CUL3: variants seen among roughly 807,000 people sequenced by gnomAD.
The protein encoded by CUL3 is cullin 3, also known as cullin-3.
Under a neutral mutation model 89.1 loss-of-function variants are expected in CUL3, and 19 were observed. That is an observed-to-expected ratio of 0.21 (90% CI 0.15 to 0.31). The LOEUF (loss-of-function observed/expected upper bound fraction) is 0.31, where lower values mean the gene tolerates loss of function less well. Among genes scored for constraint, CUL3 ranks in the 10% least tolerant of loss-of-function variants. The pLI is 1.00. For synonymous variants in CUL3, 351 were observed against 308.4 expected, an observed-to-expected ratio of 1.14 and a Z score of -1.45; for missense variants, 469 against 942.3, an observed-to-expected ratio of 0.50 and a Z score of 6.58.
rs1176228692 is a variant in CUL3 at position 224,473,522 on chromosome 2, C to T, written c.*723G>A. The stretch of plus-strand genomic sequence containing the variant: ...CAAAAAAATTATTGTACAATTTACA[C>T]ATACTAAAATACTTTCTTTCTCTAG... On this transcript the variant is annotated 3_prime_UTR_variant, in exon 16 of 16. Coordinates refer to ENST00000264414, the MANE Select transcript of CUL3 (RefSeq NM_003590.5). 4 of 182,680 alleles carry T rather than the reference C, an allele frequency of 2.2e-5. No homozygotes were observed. Among genetic ancestry groups the T allele is most frequent in the African/African-American group, 7.1e-5 (3 of 42,480 alleles). 11.3% of individuals were successfully genotyped at this position (182,680 alleles called of 1,614,324 possible).
chr2:224,474,170 T>TCTCGGTGGTCGCCG lies in CUL3; in HGVS notation c.*74_*75insCGGCGACCACCGAG. 7.0e-7 allele frequency: 1 copy of TCTCGGTGGTCGCCG among 1,436,280 alleles called. No homozygotes were observed. The allele number at this position is 1,436,280 out of a possible 1,614,324, so 89.0% of individuals were successfully genotyped here. Reference sequence around the variant, plus strand: ...AATAGAAGAGATGGTCGTCTTAATATTTAATGATTTAAAAGAACTTCCCAG... The same window carrying TCTCGGTGGTCGCCG: ...AATAGAAGAGATGGTCGTCTTAATATCTCGGTGGTCGCCGTTAATGATTTAAAAGAACTTCCCAG... On this transcript the variant is annotated 3_prime_UTR_variant, in exon 16 of 16. Coordinates refer to ENST00000264414, the MANE Select transcript of CUL3 (RefSeq NM_003590.5).
At chr2:224,542,311 T>C (rs1464139058) in intron 2 of CUL3, among the ~76,000 whole-genome samples, 2 of 152,156 alleles carry the variant, frequency 1.3e-5, no homozygotes, top group Non-Finnish European at 2.9e-5. Flanking sequence ...AAAGTGGAAT[T>C]ACTGTCAAAA....
chr2:224,559,539 T>C (rs1030249684), intron 1 of CUL3, among the ~76,000 whole-genome samples: 1 of 151,204 alleles, frequency 6.6e-6, no homozygotes, highest in Non-Finnish European at 1.5e-5. Flanking sequence ...CCATCTAATC[T>C]CTCTTTCCAT....
intron 2 of CUL3, among the ~76,000 whole-genome samples, chr2:224,557,388 A>G (rs890561963): frequency 2.6e-5 from 4 of 152,162 alleles, no homozygotes; most frequent in Non-Finnish European, 5.9e-5. Flanking sequence ...TAATTAACAT[A>G]TTAATAAGCA....
intron 6 of CUL3, among the ~76,000 whole-genome samples, chr2:224,509,878 G>C (rs1448803491): frequency 6.6e-6 from 1 of 152,238 alleles, no homozygotes; most frequent in Non-Finnish European, 1.5e-5. Context: ...AGACCACTTA[G>C]AGAAGGGTCA....
chr2:224,537,690 C>T (rs746676692), intron 2 of CUL3, among the ~76,000 whole-genome samples: 37 of 152,028 alleles, frequency 2.4e-4, no homozygotes, highest in Non-Finnish European at 4.7e-4. Flanking sequence ...ATCTACGCTA[C>T]ATACAAAAAA....
intron 3 of CUL3, among the ~76,000 whole-genome samples, chr2:224,526,754 C>T (rs1693496122): frequency 6.7e-6 from 1 of 150,222 alleles, no homozygotes; most frequent in South Asian, 2.1e-4. Context: ...GAAAACAGTT[C>T]ACAAGGCACA....
intron 6 of CUL3, among the ~76,000 whole-genome samples, chr2:224,509,120 TCAA>T (rs1416587620): frequency 6.6e-6 from 1 of 152,180 alleles, no homozygotes; most frequent in African/African-American, 2.4e-5. Context: ...TGCTATATTC[TCAA>T]CAAGAGCAAC....
chr2:224,582,834 G>A (rs916201041), intron 1 of CUL3, among the ~76,000 whole-genome samples: 18 of 152,178 alleles, frequency 1.2e-4, no homozygotes, highest in South Asian at 4.1e-4. Flanking sequence ...CCAGAACAGT[G>A]CCTGGCACAT....
intron 1 of CUL3, 27 bp downstream of exon 1, chr2:224,584,917 G>A: frequency 6.9e-7 from 1 of 1,451,488 alleles, no homozygotes; most frequent in African/African-American, 1.5e-5. Context: ...CCGGCCCCGG[G>A]GTCCCGGACG....
At position 224,471,509 on chromosome 2, in the gene CUL3, G is replaced by A. The variant is rs1301404443; in HGVS notation, c.*2736C>T. ...ATATCCGGTGAACAAAACATCAACA[G>A]TGCTTCACTATGAGAAGGATTCTTA... is the stretch of plus-strand genomic sequence containing the variant. On this transcript the variant is annotated 3_prime_UTR_variant, in exon 16 of 16. Transcript: ENST00000264414. 1 of 193,972 alleles carries A rather than the reference G, an allele frequency of 5.2e-6. No homozygotes were observed. The highest frequency in any genetic ancestry group is 2.3e-5 in the African/African-American group (1 of 43,156). The allele number at this position is 193,972 out of a possible 1,614,324, so 12.0% of individuals were successfully genotyped here. A position where few individuals can be genotyped will look rare whatever the true frequency, so the allele number is the denominator to read the frequency against.
intron 2 of CUL3, among the ~76,000 whole-genome samples, chr2:224,556,672 G>A (rs1694717668): frequency 6.6e-6 from 1 of 152,112 alleles, no homozygotes; most frequent in Non-Finnish European, 1.5e-5. Flanking sequence ...TTAGGCAACA[G>A]TATTATATTG....
At chr2:224,529,824 G>C (rs772697491) in intron 3 of CUL3, among the ~76,000 whole-genome samples, 1 of 152,088 alleles carries the variant, frequency 6.6e-6, no homozygotes, top group African/African-American at 2.4e-5. Context: ...AGTTATGTGG[G>C]ACAAATTTTG....
chr2:224,528,192 TAAAGC>T (rs2106249773), intron 3 of CUL3, among the ~76,000 whole-genome samples: 1 of 152,350 alleles, frequency 6.6e-6, no homozygotes, highest in Non-Finnish European at 1.5e-5. Context: ...TTCAGCAGGC[TAAAGC>T]AAAGATGTTG....
intron 1 of CUL3, among the ~76,000 whole-genome samples, chr2:224,578,489 T>C (rs1695361938): frequency 6.6e-6 from 1 of 152,116 alleles, no homozygotes; most frequent in Non-Finnish European, 1.5e-5. Context: ...TCCCTACTTG[T>C]ACATTTAGAT....
chr2:224,543,669 T>C (rs1369480723), intron 2 of CUL3, among the ~76,000 whole-genome samples: 1 of 152,194 alleles, frequency 6.6e-6, no homozygotes, highest in Non-Finnish European at 1.5e-5. Context: ...CCTTAAAGCA[T>C]CATCTCAGCA....
At chr2:224,478,069 TAC>T in intron 15 of CUL3, 129 bp downstream of exon 15, 1 of 862,806 alleles carries the variant, frequency 1.2e-6, no homozygotes, top group Non-Finnish European at 1.7e-6. Context: ...GTGAGTGCCA[TAC>T]ATTTCATAAG....
chr2:224,496,082 G>T, intron 12 of CUL3, 116 bp from the exon 13 acceptor site: 2 of 1,119,962 alleles, frequency 1.8e-6, no homozygotes, highest in Non-Finnish European at 2.5e-6. Context: ...CCAGGCTACA[G>T]TGCAGTGGCG....
chr2:224,493,120 G>A (rs1444361490), intron 13 of CUL3, among the ~76,000 whole-genome samples: 1 of 152,112 alleles, frequency 6.6e-6, no homozygotes. Context: ...ACCCAACTGA[G>A]TATCTTCTCA....
Sources: allele counts gnomAD v4.1 joint callset (sites outside exome capture counted in the v4.1 genomes callset), GRCh38; gene constraint gnomAD v4.1.1; transcripts MANE v1.5; gene names NCBI Gene and HGNC (gene_info 2026-07-23, HGNC 2026-07-21).